Variants in GALNTL6 observed in about 807,000 individuals in gnomAD.
GALNTL6 encodes the protein polypeptide N-acetylgalactosaminyltransferase-like 6.
Under a neutral mutation model 73.7 loss-of-function variants are expected in GALNTL6, and 46 were observed. The ratio of observed to expected loss-of-function variants is 0.62; its 90% CI spans 0.49 to 0.80. GALNTL6 has a LOEUF of 0.80. Among genes scored for constraint, GALNTL6 ranks in the 30% least tolerant of loss-of-function variants. The pLI is 0.00. For missense variants in GALNTL6, 604 were observed against 755.0 expected, an observed-to-expected ratio of 0.80 and a Z score of 2.34; for synonymous variants, 259 against 263.7, an observed-to-expected ratio of 0.98 and a Z score of 0.17.
At chr4:172,902,015 A>G (rs989188876) in intron 8 of GALNTL6, among the ~76,000 whole-genome samples, 6 of 152,180 alleles carry the variant, frequency 3.9e-5, no homozygotes, top group Non-Finnish European at 5.9e-5. Flanking sequence ...GGGGACAGAG[A>G]CAGTATTAAG....
intron 2 of GALNTL6, among the ~76,000 whole-genome samples, chr4:171,987,453 A>G (rs548440907): frequency 7.9e-5 from 12 of 152,324 alleles, no homozygotes; most frequent in African/African-American, 2.9e-4. Flanking sequence ...CAGACGCTGT[A>G]GGAAAGGCCT....
At chr4:172,377,929 C>A (rs1206412478) in intron 5 of GALNTL6, among the ~76,000 whole-genome samples, 3 of 151,790 alleles carry the variant, frequency 2.0e-5, no homozygotes, top group African/African-American at 7.3e-5. Flanking sequence ...TTCCTCCACA[C>A]CTCCCCACAA....
intron 5 of GALNTL6, among the ~76,000 whole-genome samples, chr4:172,401,964 G>C (rs2111325765): frequency 6.6e-6 from 1 of 151,264 alleles, no homozygotes; most frequent in South Asian, 2.1e-4. Flanking sequence ...GAGAGAGAGA[G>C]AGAGAGAGAG....
chr4:172,677,121 A>G (rs1732347641), intron 5 of GALNTL6, among the ~76,000 whole-genome samples: 1 of 152,160 alleles, frequency 6.6e-6, no homozygotes, highest in African/African-American at 2.4e-5. Context: ...ACCACCTAAT[A>G]TTTATCAGAA....
intron 5 of GALNTL6, among the ~76,000 whole-genome samples, chr4:172,520,463 A>G (rs917323397): frequency 5.9e-5 from 9 of 151,890 alleles, no homozygotes; most frequent in African/African-American, 1.4e-4. Flanking sequence ...TATTTTGTGA[A>G]CAAGTTGTTT....
At chr4:172,744,087 G>T (rs1044848673) in intron 5 of GALNTL6, among the ~76,000 whole-genome samples, 3 of 152,054 alleles carry the variant, frequency 2.0e-5, no homozygotes, top group African/African-American at 7.2e-5. Flanking sequence ...AGGTCTGAAA[G>T]TCAATGTAGA....
chr4:172,190,658 A>G (rs1214728200), intron 2 of GALNTL6, among the ~76,000 whole-genome samples: 5 of 152,194 alleles, frequency 3.3e-5, no homozygotes, highest in Non-Finnish European at 7.3e-5. Flanking sequence ...AGGATATTAG[A>G]ACCAGGCCAT....
chr4:172,399,789 C>A (rs1367944985), intron 5 of GALNTL6, among the ~76,000 whole-genome samples: 2 of 151,884 alleles, frequency 1.3e-5, no homozygotes, highest in African/African-American at 4.8e-5. Flanking sequence ...AGAATGTAAC[C>A]AAAAAATCAA....
Position 171,933,723 on chromosome 4 carries a change from T to C in GALNTL6, c.138+119005T>C, listed in dbSNP as rs907782315. On this transcript the variant is annotated intron_variant, in intron 2 of 12. Coordinates refer to ENST00000506823, the MANE Select transcript of GALNTL6 (RefSeq NM_001034845.3). The stretch of plus-strand genomic sequence containing the variant: ...TTTTAATTATTTTACTAATTTTTTT[T>C]CTCTTGTTATAATATTGGTTCAGGT... Among the ~76,000 whole-genome samples, 4 of 152,110 alleles carry C rather than the reference T, an allele frequency of 2.6e-5. No individual in the cohort carries two copies. In the South Asian group the frequency reaches 8.3e-4, roughly 31 times the overall value.
intron 5 of GALNTL6, among the ~76,000 whole-genome samples, chr4:172,709,797 T>C (rs1022486313): frequency 6.6e-6 from 1 of 152,148 alleles, no homozygotes; most frequent in Non-Finnish European, 1.5e-5. Flanking sequence ...TAGGGTGTTT[T>C]GAAAACTGAA....
chr4:172,803,586 T>C (rs1740785357), intron 5 of GALNTL6, among the ~76,000 whole-genome samples: 2 of 152,230 alleles, frequency 1.3e-5, no homozygotes, highest in Admixed American at 1.3e-4. Flanking sequence ...GTGATGTGTC[T>C]TCCTATCAGG....
intron 5 of GALNTL6, among the ~76,000 whole-genome samples, chr4:172,755,343 T>C (rs1265007140): frequency 2.0e-5 from 3 of 146,372 alleles, no homozygotes; most frequent in Non-Finnish European, 4.5e-5. Context: ...AAAAAAAAAA[T>C]TCACTTGCCG....
chr4:173,014,792 C>G (rs892217455), intron 11 of GALNTL6, among the ~76,000 whole-genome samples: 3 of 152,132 alleles, frequency 2.0e-5, no homozygotes, highest in Non-Finnish European at 4.4e-5. Flanking sequence ...ATCCAGTGAC[C>G]TTATTCATAT....
In GALNTL6 at chr4:172,211,114, C is replaced by T. The variant is rs79061402; in HGVS notation, c.139-18542C>T. 2.1e-3 allele frequency among the ~76,000 whole-genome samples: 324 copies of T among 152,116 alleles called. 1 individual carries two copies. The highest frequency in any genetic ancestry group is 6.8e-3 in the African/African-American group (281 of 41,516). ...TTAATTGTTGGTGGTCTTATTTATT[C>T]GTTTCTTGAGCACTTCCTTGCATTC... On this transcript the variant is annotated intron_variant, in intron 2 of 12. Coordinates refer to ENST00000506823, the MANE Select transcript of GALNTL6 (RefSeq NM_001034845.3).
chr4:172,144,418 A>AT lies in GALNTL6; in HGVS notation c.139-85237dup, dbSNP rs1163193649. On this transcript the variant is annotated intron_variant, in intron 2 of 12. Coordinates refer to ENST00000506823, the MANE Select transcript of GALNTL6 (RefSeq NM_001034845.3). ...TCTGAAAACTTGATTGAGTTACTCAATGTTTCTGAGCACCATTTCTAGGAA... is the reference window on the plus strand; with the variant it reads ...TCTGAAAACTTGATTGAGTTACTCAATTGTTTCTGAGCACCATTTCTAGGAA... Among the ~76,000 whole-genome samples, 6 of 152,182 alleles carry AT rather than the reference A, an allele frequency of 3.9e-5. No homozygotes were observed. The East Asian group carries it at 1.2e-3, about 29-fold the overall frequency.
intron 5 of GALNTL6, among the ~76,000 whole-genome samples, chr4:172,785,600 A>G (rs930302468): frequency 1.6e-4 from 24 of 152,130 alleles, no homozygotes; most frequent in Non-Finnish European, 3.5e-4. Flanking sequence ...GAGAATAATC[A>G]CAAATAAAAA....
intron 2 of GALNTL6, among the ~76,000 whole-genome samples, chr4:172,033,570 T>G (rs1054389891): frequency 6.6e-6 from 1 of 152,092 alleles, no homozygotes; most frequent in African/African-American, 2.4e-5. Flanking sequence ...TGGAAAAGTA[T>G]GGCTTGTCAC....
chr4:171,814,741 T>C (rs1734475001), intron 2 of GALNTL6, 23 bp downstream of exon 2: 1 of 1,612,774 alleles, frequency 6.2e-7, no homozygotes, highest in Non-Finnish European at 8.5e-7. Flanking sequence ...CAGAGAAAGA[T>C]CACACAAGGA....
intron 2 of GALNTL6, among the ~76,000 whole-genome samples, chr4:172,033,095 A>ATTAC (rs1041039152): frequency 2.6e-5 from 4 of 151,766 alleles, no homozygotes; most frequent in African/African-American, 9.7e-5. Context: ...CAGTCCCCCT[A>ATTAC]TTACTGTCTT....
Sources: allele counts gnomAD v4.1 joint callset (sites outside exome capture counted in the v4.1 genomes callset), GRCh38; gene constraint gnomAD v4.1.1; transcripts MANE v1.5; gene names NCBI Gene and HGNC (gene_info 2026-07-23, HGNC 2026-07-21).